The following MRPS15 variants were observed in gnomAD, a reference collection of about 807,000 sequenced individuals.
MRPS15 encodes the protein mitochondrial ribosomal protein S15, also known as small ribosomal subunit protein uS15m.
Under a neutral mutation model 30.7 loss-of-function variants are expected in MRPS15, and 25 were observed. That is an observed-to-expected ratio of 0.81 (90% CI 0.59 to 1.14). The LOEUF (loss-of-function observed/expected upper bound fraction) is 1.14. Among genes scored for constraint, MRPS15 ranks in the 50% most tolerant of loss-of-function variants. The pLI, the probability that MRPS15 is intolerant of heterozygous loss-of-function variation, is 0.00. For synonymous variants in MRPS15, 124 were observed against 120.1 expected, an observed-to-expected ratio of 1.03 and a Z score of -0.21; for missense variants, 313 against 321.7, an observed-to-expected ratio of 0.97 and a Z score of 0.21.
Position 36,464,277 on chromosome 1 carries a change from G to A in MRPS15, c.-2C>T, listed in dbSNP as rs1650167753. On this transcript the variant is annotated 5_prime_UTR_variant, in exon 1 of 8. Coordinates refer to ENST00000373116, the MANE Select transcript of MRPS15 (RefSeq NM_031280.4). Reference sequence around the variant, plus strand: ...CGTCCTCCACGCGACCCTCAGCATGGTGACCTCTAACCCCCGCGGGGCCCG... The same window carrying A: ...CGTCCTCCACGCGACCCTCAGCATGATGACCTCTAACCCCCGCGGGGCCCG... The A allele has an allele frequency of 6.2e-7, 1 of 1,613,136 alleles. No individual in the cohort carries two copies. The highest frequency in any genetic ancestry group is 1.7e-5 in the Admixed American group (1 of 59,894).
rs201840208 is a variant in MRPS15, at chr1:36,460,685, G to A, written c.385+7C>T. 142 of 1,613,180 alleles carry A rather than the reference G, an allele frequency of 8.8e-5. No homozygotes were observed. The African/African-American group carries it at 9.1e-4, about 10-fold the overall frequency. ...ACACCCCCACTCCCCAAGGGTCCCC[G>A]ACCAACTTCGAGCCTCCAGGGATCT... On this transcript the variant is annotated splice_region_variant and intron_variant, in intron 5 of 7. Transcript: ENST00000373116.
At position 36,455,925 on chromosome 1, in the gene MRPS15, C is replaced by T. The variant is rs1649985145; in HGVS notation, c.637G>A (p.Val213Ile). 3 of 1,612,354 alleles carry T rather than the reference C, an allele frequency of 1.9e-6. No homozygotes were observed. The highest frequency in any genetic ancestry group is 1.3e-5 in the African/African-American group (1 of 74,632). Residue 213 changes from valine to isoleucine, a missense_variant and splice_region_variant, in exon 8 of 8, where the codon GTT (valine) becomes ATT (isoleucine). Val to Ile is a conservative substitution (Grantham distance 29). Coordinates refer to ENST00000373116, the MANE Select transcript of MRPS15 (RefSeq NM_031280.4). ...TTCAGCTTTTGAGTCTCCTGGAAAA[C>T]CTGGGGATGAAAAGGGGCAGAAAAA... is the stretch of plus-strand genomic sequence containing the variant. ...FVTKKALCIRVFQETQKLKKR... is the reference protein window; with the variant it reads ...FVTKKALCIRIFQETQKLKKR...
intron 6 of MRPS15, 26 bp from the exon 7 acceptor site, chr1:36,456,404 GTATTA>G: frequency 1.9e-6 from 3 of 1,565,682 alleles, no homozygotes; most frequent in Non-Finnish European, 2.6e-6. Flanking sequence ...ATTACTTTTA[GTATTA>G]TATAAGTGTT....
chr1:36,460,206 A>T (rs1169435319), intron 5 of MRPS15, among the ~76,000 whole-genome samples: 1 of 152,104 alleles, frequency 6.6e-6, no homozygotes, highest in Non-Finnish European at 1.5e-5. Context: ...ACGGGGTTTC[A>T]CCGTGTTAGC....
intron 2 of MRPS15, 24 bp downstream of exon 2, chr1:36,463,782 A>T: frequency 6.2e-7 from 1 of 1,606,344 alleles, no homozygotes; most frequent in Non-Finnish European, 8.5e-7. Flanking sequence ...CTTCCGCCCC[A>T]AGTCCCACCT....
chr1:36,460,632 G>T, intron 5 of MRPS15, 60 bp downstream of exon 5: 3 of 1,276,016 alleles, frequency 2.4e-6, no homozygotes, highest in Non-Finnish European at 1.1e-6. Context: ...AAGAGCCCTA[G>T]ATCAGGTCCC....
At chr1:36,463,872 G>A in intron 1 of MRPS15, 22 bp from the exon 2 acceptor site, 1 of 1,606,632 alleles carries the variant, frequency 6.2e-7, no homozygotes, top group Non-Finnish European at 8.5e-7. Flanking sequence ...AGAGAGGGCT[G>A]AGGACCATCT....
At chr1:36,461,378 A>G in intron 3 of MRPS15, 66 bp from the exon 4 acceptor site, 3 of 1,470,856 alleles carry the variant, frequency 2.0e-6, no homozygotes, top group South Asian at 1.1e-5. Flanking sequence ...TGCTGGTTTC[A>G]TTTTAGTTTG....
intron 4 of MRPS15, 101 bp from the exon 5 acceptor site, chr1:36,460,877 G>T: frequency 1.1e-6 from 1 of 951,792 alleles, no homozygotes; most frequent in Non-Finnish European, 1.6e-6. Context: ...AGCAACTAGG[G>T]CCATAAGGCT....
chr1:36,457,846 G>T, intron 6 of MRPS15, 77 bp downstream of exon 6: 1 of 1,413,960 alleles, frequency 7.1e-7, no homozygotes, highest in Non-Finnish European at 1.0e-6. Flanking sequence ...TCCTTCTCTG[G>T]ACCCAGAGCC....
chr1:36,457,928 G>A lies in MRPS15; in HGVS notation c.439C>T (p.Arg147Ter), dbSNP rs940094284. 9 of 1,613,934 alleles carry A rather than the reference G, an allele frequency of 5.6e-6. No homozygotes were observed. In the Admixed American group the frequency reaches 8.3e-5, roughly 15 times the overall value. Reference protein sequence around the residue: ...RSYEEHLEKHRKDKAHKRYLL... With the variant: ...RSYEEHLEKH ...GAATGACGTCCAGAGTTTACCTTTC[G>A]ATGTTTCTCCAAGTGTTCTTCATAA... Residue 147 changes from arginine (R) to a stop codon, truncating the protein, a stop_gained, in exon 6 of 8, where the codon CGA becomes TGA. Transcript: ENST00000373116. LOFTEE classifies it high-confidence loss of function.
Position 36,456,356 on chromosome 1 carries a change from A to T in MRPS15, c.467T>A (p.Leu156Gln). The change falls in exon 7 of 8, where the codon CTG (leucine) becomes CAG (glutamine). Residue 156 changes from leucine to glutamine, a missense_variant. Coordinates refer to ENST00000373116, the MANE Select transcript of MRPS15 (RefSeq NM_031280.4). ...HRKDKAHKRYLLMSIDQRKKM... is the reference protein window; with the variant it reads ...HRKDKAHKRYQLMSIDQRKKM... ...TTTCCTCTGGTCAATGCTCATTAGC[A>T]GATAGCGTTTGTGGGCTTTGTCCTG... is the stretch of plus-strand genomic sequence containing the variant. 6.2e-7 allele frequency: 1 copy of T among 1,611,292 alleles called. No homozygotes were observed. Among genetic ancestry groups the T allele is most frequent in the Non-Finnish European group, 8.5e-7 (1 of 1,177,968 alleles).
intron 6 of MRPS15, among the ~76,000 whole-genome samples, chr1:36,457,061 G>A (rs1047409672): frequency 6.6e-6 from 1 of 152,176 alleles, no homozygotes; most frequent in Non-Finnish European, 1.5e-5. Context: ...GAGATCACGA[G>A]GTCAGGAGAT....
At chr1:36,459,104 C>T (rs1191441942) in intron 5 of MRPS15, 2 of 152,320 alleles carry the variant, frequency 1.3e-5, no homozygotes, top group African/African-American at 2.4e-5. Context: ...GCAGAAGTGA[C>T]ATCTGTGGGC....
chr1:36,456,742 C>T (rs116298102), intron 6 of MRPS15, among the ~76,000 whole-genome samples: 1 of 152,256 alleles, frequency 6.6e-6, no homozygotes, highest in African/African-American at 2.4e-5. Context: ...TTGTGCTCTT[C>T]CTGGAAATGC....
At chr1:36,456,140 C>A in intron 7 of MRPS15, 47 bp downstream of exon 7, 1 of 1,564,296 alleles carries the variant, frequency 6.4e-7, no homozygotes, top group Non-Finnish European at 8.7e-7. Context: ...CTTCCTCCAT[C>A]CCAGTCCCTG....
Position 36,457,866 on chromosome 1 carries a change from C to T in MRPS15, c.444+57G>A, listed in dbSNP as rs149386766. The T allele has an allele frequency of 6.2e-4, 956 of 1,551,036 alleles. 1 individual carries two copies. The highest frequency in any genetic ancestry group is 1.3e-3 in the Middle Eastern group (8 of 5,952). On this transcript the variant is annotated intron_variant, in intron 6 of 7. Transcript: ENST00000373116. The stretch of plus-strand genomic sequence containing the variant: ...CTCTGGACCCAGAGCCCTTCCCCTC[C>T]GGACCCCTTTCCCCCAGGCTGCTGC...
intron 6 of MRPS15, among the ~76,000 whole-genome samples, chr1:36,457,598 A>G (rs1650016709): frequency 1.3e-5 from 2 of 152,204 alleles, no homozygotes. Flanking sequence ...TGAGACCTGT[A>G]CTTCCCTAAT....
chr1:36,456,563 G>T (rs1376677533), intron 6 of MRPS15, 185 bp from the exon 7 acceptor site: 1 of 604,718 alleles, frequency 1.7e-6, no homozygotes, highest in Non-Finnish European at 2.8e-6. Flanking sequence ...AAGGTTTAAA[G>T]ATGTTATCTG....
Sources: gnomAD v4.1 joint callset for allele counts (sites outside exome capture counted in the v4.1 genomes callset) on GRCh38, gnomAD v4.1.1 for gene constraint, MANE v1.5 for transcripts, NCBI Gene and HGNC (gene_info 2026-07-23, HGNC 2026-07-21) for gene names.